The following PCDH11X variants were observed in gnomAD, a reference collection of about 807,000 sequenced individuals.
The protein encoded by PCDH11X is protocadherin 11 X-linked.
Under a neutral mutation model 53.3 loss-of-function variants are expected in PCDH11X, and 18 were observed. The observed-to-expected ratio is 0.34, with a 90% CI of 0.23 to 0.50. The LOEUF is 0.50. Ranked by LOEUF, PCDH11X falls within the 20% of genes least tolerant of loss-of-function variation. The pLI is 0.98. For missense variants in PCDH11X, 570 were observed against 1,032.4 expected (o/e 0.55, Z 6.14); for synonymous variants, 279 against 393.3 (o/e 0.71, Z 3.44).
intron 4 of PCDH11X, among the ~76,000 whole-genome samples, chrX:91,830,120 A>G (rs1356311713): frequency 9.0e-6 from 1 of 111,648 alleles, no homozygotes; most frequent in African/African-American, 3.3e-5. Context: ...AGAAAAATTA[A>G]TATAGAAGAG....
intron 7 of PCDH11X, among the ~76,000 whole-genome samples, chrX:92,214,809 G>T (rs1373534456): frequency 9.0e-6 from 1 of 111,573 alleles, no homozygotes; most frequent in Non-Finnish European, 1.9e-5. Flanking sequence ...AGCAATTTGG[G>T]AAGCCGTGGC....
intron 8 of PCDH11X, among the ~76,000 whole-genome samples, chrX:92,270,999 T>TACC (rs1222288793): frequency 8.9e-6 from 1 of 111,765 alleles, no homozygotes; most frequent in African/African-American, 3.3e-5. Context: ...CAGGCTTAAC[T>TACC]ACCGCGATTC....
intron 6 of PCDH11X, among the ~76,000 whole-genome samples, chrX:92,120,921 T>C (rs2064749211): frequency 9.0e-6 from 1 of 111,292 alleles, no homozygotes; most frequent in Admixed American, 9.6e-5. Context: ...TAATAATAAT[T>C]ATTTTAGAGG....
At chrX:91,849,405 C>T (rs1347035505) in intron 5 of PCDH11X, among the ~76,000 whole-genome samples, 1 of 110,173 alleles carries the variant, frequency 9.1e-6, no homozygotes, top group Non-Finnish European at 1.9e-5. Context: ...GGTAAGTACC[C>T]AATAGTTATT....
chrX:92,132,392 G>A (rs1385579039), intron 6 of PCDH11X, among the ~76,000 whole-genome samples: 7 of 93,903 alleles, frequency 7.5e-5, no homozygotes, highest in African/African-American at 2.4e-4. Flanking sequence ...GTTGGATCAA[G>A]AGGTCAAGAG....
intron 6 of PCDH11X, among the ~76,000 whole-genome samples, chrX:92,142,370 G>GCGCACACACACA (rs1341736624): frequency 1.0e-5 from 1 of 95,577 alleles, no homozygotes; most frequent in African/African-American, 4.0e-5. Context: ...GTGCGCGCGC[G>GCGCACACACACA]CACACACACA....
intron 6 of PCDH11X, among the ~76,000 whole-genome samples, chrX:91,893,154 G>A (rs1418181519): frequency 9.1e-6 from 1 of 109,690 alleles, no homozygotes; most frequent in Non-Finnish European, 1.9e-5. Context: ...TCAGTTTCTG[G>A]AAACTATTCC....
In PCDH11X at chrX:92,387,884, T is replaced by C; in HGVS notation, c.3294T>C (p.Ala1098=). 1 of 1,210,946 alleles carries C rather than the reference T, an allele frequency of 8.3e-7. No homozygotes were observed. Among genetic ancestry groups the C allele is most frequent in the Non-Finnish European group, 1.1e-6 (1 of 895,296 alleles). ...GYPQEEYFDR[A]TPSNRTEGDG... The stretch of plus-strand genomic sequence containing the variant: ...CTCAGGAGGAGTACTTTGATCGTGC[T>C]ACACCCAGCAATCGCACTGAAGGGG... The change falls in exon 9 of 11, where the codon GCT becomes GCC. Residue 1098 remains alanine (A), a synonymous_variant. Coordinates refer to ENST00000682573, the MANE Select transcript of PCDH11X (RefSeq NM_032968.5).
At chrX:92,131,784 C>G in intron 6 of PCDH11X, among the ~76,000 whole-genome samples, 1 of 110,009 alleles carries the variant, frequency 9.1e-6, no homozygotes, top group Non-Finnish European at 1.9e-5. Context: ...TGCTAAATCA[C>G]GGAGGTTTGG....
chrX:92,078,573 G>A (rs1399802405), intron 6 of PCDH11X, among the ~76,000 whole-genome samples: 2 of 111,021 alleles, frequency 1.8e-5, no homozygotes, highest in Non-Finnish European at 3.8e-5. Flanking sequence ...AACACTGTTT[G>A]TATAGCATGG....
chrX:92,546,034 C>T (rs1322574582), intron 10 of PCDH11X, among the ~76,000 whole-genome samples: 1 of 102,783 alleles, frequency 9.7e-6, no homozygotes. Context: ...TGATAAACTT[C>T]GAATATTCGA....
chrX:91,903,676 T>C (rs1268072568), intron 6 of PCDH11X, among the ~76,000 whole-genome samples: 3 of 108,900 alleles, frequency 2.8e-5, no homozygotes, highest in Non-Finnish European at 5.7e-5. Flanking sequence ...TGTGTGTGTG[T>C]GTGTGTGTGT....
At chrX:92,131,728 T>C (rs1190118626) in intron 6 of PCDH11X, among the ~76,000 whole-genome samples, 1 of 111,259 alleles carries the variant, frequency 9.0e-6, no homozygotes, top group Non-Finnish European at 1.9e-5. Flanking sequence ...ATTTACTTAA[T>C]CCAAATGGGT....
intron 6 of PCDH11X, among the ~76,000 whole-genome samples, chrX:91,981,149 AACTC>A (rs1273138433): frequency 9.4e-6 from 1 of 106,722 alleles, no homozygotes; most frequent in African/African-American, 3.4e-5. Context: ...TTCCTCAAGA[AACTC>A]ACAGTACAGT....
At chrX:91,783,393 G>C (rs1215612659) in intron 1 of PCDH11X, among the ~76,000 whole-genome samples, 1 of 111,906 alleles carries the variant, frequency 8.9e-6, no homozygotes, top group Non-Finnish European at 1.9e-5. Context: ...AGGACGTCCA[G>C]GTAATGCTGG....
chrX:91,895,472 T>C (rs1940702654), intron 6 of PCDH11X, among the ~76,000 whole-genome samples: 1 of 110,603 alleles, frequency 9.0e-6, no homozygotes, highest in African/African-American at 3.3e-5. Flanking sequence ...CTCGGACATT[T>C]CCTCAGTTTC....
chrX:92,132,331 C>T (rs2064993701), intron 6 of PCDH11X, among the ~76,000 whole-genome samples: 1 of 84,128 alleles, frequency 1.2e-5, no homozygotes, highest in South Asian at 6.5e-4. Context: ...AAAAGCCAGG[C>T]GCAGTGGCTC....
At chrX:92,541,759 C>T (rs1229341263) in intron 10 of PCDH11X, among the ~76,000 whole-genome samples, 1 of 107,188 alleles carries the variant, frequency 9.3e-6, no homozygotes, top group Non-Finnish European at 1.9e-5. Context: ...AGTTCGAGAC[C>T]AGCTTGGTCA....
chrX:91,843,263 ATGTGTG>A lies in PCDH11X; in HGVS notation c.540+7253_540+7258del, dbSNP rs3067347. Among the ~76,000 whole-genome samples, 483 of 91,349 alleles carry A rather than the reference ATGTGTG, an allele frequency of 5.3e-3. 2 individuals carry two copies. The highest frequency in any genetic ancestry group is 0.01 in the African/African-American group (258 of 25,054). 79.3% of individuals were successfully genotyped at this position (91,349 alleles called of 115,157 possible). The stretch of plus-strand genomic sequence containing the variant: ...TTATTTTATATATACATACATACTT[ATGTGTG>A]TGTGTGTGTGTGTGTGTGTGTGTGT... On this transcript the variant is annotated intron_variant, in intron 5 of 10. Transcript: ENST00000682573.
Sources: allele counts gnomAD v4.1 joint callset (sites outside exome capture counted in the v4.1 genomes callset), GRCh38; gene constraint gnomAD v4.1.1; transcripts MANE v1.5; gene names NCBI Gene and HGNC (gene_info 2026-07-23, HGNC 2026-07-21).